Variants in HAPSTR1 observed in about 807,000 individuals in gnomAD.
The protein encoded by HAPSTR1 is HUWE1-associated protein modifying stress responses 1.
At chr16:9,095,688 T>C in the HAPSTR1 span, among the ~76,000 whole-genome samples, 1 of 151,704 alleles carries the variant, frequency 6.6e-6, no homozygotes, top group Non-Finnish European at 1.5e-5. Context: ...GTCAGAGGGC[T>C]TTTGAAAAGT....
At chr16:9,105,081 C>T in the HAPSTR1 span, 14 of 152,174 alleles carry the variant, frequency 9.2e-5, no homozygotes, top group African/African-American at 2.7e-4. Flanking sequence ...CCTCTGCCCT[C>T]GAAAAACTGT....
the HAPSTR1 span, chr16:9,103,563 C>T: frequency 4.0e-6 from 1 of 250,444 alleles, no homozygotes; most frequent in Non-Finnish European, 7.7e-6. Flanking sequence ...TGTTTTTTTC[C>T]TCTTCTGAAG....
the HAPSTR1 span, chr16:9,116,814 C>T: frequency 6.2e-7 from 1 of 1,614,204 alleles, no homozygotes; most frequent in South Asian, 1.1e-5. Flanking sequence ...AGAAATGGCA[C>T]TCCACTTGGA....
the HAPSTR1 span, chr16:9,116,973 T>C: frequency 1.3e-6 from 2 of 1,588,090 alleles, no homozygotes; most frequent in Non-Finnish European, 1.7e-6. Flanking sequence ...CAACATATAC[T>C]ATAATTGCAA....
At chr16:9,116,143 A>C in the HAPSTR1 span, among the ~76,000 whole-genome samples, 1 of 152,168 alleles carries the variant, frequency 6.6e-6, no homozygotes, top group African/African-American at 2.4e-5. Flanking sequence ...TTCGGGCTCA[A>C]CAGTAATCTG....
chr16:9,097,946 A>G, the HAPSTR1 span, among the ~76,000 whole-genome samples: 1 of 152,192 alleles, frequency 6.6e-6, no homozygotes, highest in African/African-American at 2.4e-5. Context: ...CTCTCGAAAC[A>G]TGGTTGCTAT....
chr16:9,096,838 AT>A, the HAPSTR1 span, among the ~76,000 whole-genome samples: 4 of 151,892 alleles, frequency 2.6e-5, no homozygotes, highest in African/African-American at 4.8e-5. Flanking sequence ...GTGTCTTAAA[AT>A]TTTTTTTTAA....
chr16:9,105,397 AG>A, the HAPSTR1 span: 3 of 152,224 alleles, frequency 2.0e-5, no homozygotes, highest in African/African-American at 7.2e-5. Flanking sequence ...GTGAAGTAAT[AG>A]GGCCCCTTGA....
chr16:9,096,839 T>A, the HAPSTR1 span, among the ~76,000 whole-genome samples: 1 of 151,808 alleles, frequency 6.6e-6, no homozygotes, highest in African/African-American at 2.4e-5. Context: ...TGTCTTAAAA[T>A]TTTTTTTTAA....
At chr16:9,118,474 G>A in the HAPSTR1 span, 1 of 152,644 alleles carries the variant, frequency 6.6e-6, no homozygotes, top group South Asian at 2.1e-4. Flanking sequence ...TGGAATGTTA[G>A]AAATGTTGTG....
the HAPSTR1 span, among the ~76,000 whole-genome samples, chr16:9,098,919 G>C: frequency 6.6e-6 from 1 of 152,148 alleles, no homozygotes. Context: ...TTACAAACTT[G>C]CGATACCTGC....
At chr16:9,093,336 T>G in the HAPSTR1 span, among the ~76,000 whole-genome samples, 1 of 152,156 alleles carries the variant, frequency 6.6e-6, no homozygotes, top group Non-Finnish European at 1.5e-5. Context: ...AGAATTATCA[T>G]GCCCCTAAAG....
At chr16:9,093,121 C>A in the HAPSTR1 span, 2 of 999,610 alleles carry the variant, frequency 2.0e-6, no homozygotes, top group Middle Eastern at 3.2e-4. Flanking sequence ...GAATACCTTG[C>A]AACTTGAGAA....
the HAPSTR1 span, among the ~76,000 whole-genome samples, chr16:9,092,632 C>G: frequency 3.3e-5 from 5 of 151,528 alleles, no homozygotes; most frequent in Admixed American, 6.6e-5. Context: ...TGCCCTGAGC[C>G]GGCCTCGGGG....
the HAPSTR1 span, chr16:9,092,020 G>C: frequency 6.7e-7 from 1 of 1,484,050 alleles, no homozygotes. Context: ...GGCGGTGGCG[G>C]CGAGGCCGCG....
At chr16:9,101,420 A>G in the HAPSTR1 span, among the ~76,000 whole-genome samples, 124 of 152,342 alleles carry the variant, frequency 8.1e-4, 1 homozygote, top group African/African-American at 2.7e-3. Flanking sequence ...AGAATAATCC[A>G]CCTTCTCAGA....
chr16:9,109,403 A>G, the HAPSTR1 span: 1 of 152,162 alleles, frequency 6.6e-6, no homozygotes, highest in African/African-American at 2.4e-5. Context: ...TCAAAGCCCC[A>G]CTTTCACTCG....
chr16:9,100,557 A>T, the HAPSTR1 span, among the ~76,000 whole-genome samples: 1 of 150,682 alleles, frequency 6.6e-6, no homozygotes, highest in Admixed American at 6.6e-5. Context: ...TTTTTGAGAG[A>T]GAGTCTTACT....
chr16:9,115,602 G>C, the HAPSTR1 span, among the ~76,000 whole-genome samples: 1 of 152,136 alleles, frequency 6.6e-6, no homozygotes, highest in South Asian at 2.1e-4. Flanking sequence ...TGAGTGCTGG[G>C]TATATTCTGG....
Sources: gnomAD v4.1 joint callset for allele counts (sites outside exome capture counted in the v4.1 genomes callset) on GRCh38, gnomAD v4.1.1 for gene constraint, MANE v1.5 for transcripts, NCBI Gene and HGNC (gene_info 2026-07-23, HGNC 2026-07-21) for gene names.